Variants in SRL observed in about 807,000 individuals in gnomAD.
The protein encoded by SRL is sarcalumenin.
SRL carries 23 observed loss-of-function variants against 39.5 expected under a neutral mutation model. That is an observed-to-expected ratio of 0.58 (90% confidence interval 0.42 to 0.82). The LOEUF is 0.82. SRL is among the 40% of genes least tolerant of loss of function. The probability of loss-of-function intolerance (pLI) is 0.00; values close to 1 mark genes in which losing one functional copy is unlikely to be tolerated. For missense variants in SRL, 592 were observed against 607.8 expected, an observed-to-expected ratio of 0.97 and a Z score of 0.27; for synonymous variants, 272 against 237.4, an observed-to-expected ratio of 1.15 and a Z score of -1.34.
At chr16:4,210,486 C>CTTTTTTTTTTTTTTTTTTTTTTT (rs555999418) in intron 1 of SRL, among the ~76,000 whole-genome samples, 1 of 104,014 alleles carries the variant, frequency 9.6e-6, no homozygotes, top group South Asian at 3.4e-4. Flanking sequence ...TTACTCATAT[C>CTTTTTTTTTTTTTTTTTTTTTTT]TTTTTTTTTT....
intron 1 of SRL, 143 bp downstream of exon 1, chr16:4,241,864 A>G: frequency 2.4e-6 from 2 of 832,096 alleles, no homozygotes; most frequent in Non-Finnish European, 3.7e-6. Flanking sequence ...AGGCCCGGGG[A>G]AAAGAGAAGG....
intron 3 of SRL, 50 bp from the exon 4 acceptor site, chr16:4,197,965 C>A (rs752447950): frequency 2.4e-6 from 3 of 1,259,818 alleles, no homozygotes; most frequent in East Asian, 4.6e-5. Flanking sequence ...AAAGTTCACA[C>A]AAGGGGTATG....
intron 1 of SRL, chr16:4,207,013 G>A (rs1567179154): frequency 4.4e-6 from 2 of 453,130 alleles, no homozygotes; most frequent in Admixed American, 2.4e-5. Context: ...TCGGCTTCCT[G>A]GGGATCCCCG....
At chr16:4,213,404 CTT>C (rs1176583909) in intron 1 of SRL, among the ~76,000 whole-genome samples, 19 of 69,574 alleles carry the variant, frequency 2.7e-4, no homozygotes, top group African/African-American at 9.0e-4. Context: ...TTTTCTTTTT[CTT>C]TTTTTTTTTT....
chr16:4,202,168 A>G (rs1039696670), intron 3 of SRL, among the ~76,000 whole-genome samples: 5 of 152,218 alleles, frequency 3.3e-5, no homozygotes, highest in Non-Finnish European at 7.3e-5. Flanking sequence ...GTTTCCACAC[A>G]CACAGCTCAC....
At chr16:4,229,583 G>A (rs558860084) in intron 1 of SRL, among the ~76,000 whole-genome samples, 1 of 152,158 alleles carries the variant, frequency 6.6e-6, no homozygotes, top group South Asian at 2.1e-4. Flanking sequence ...AAGCATTGGA[G>A]ACACATGGAC....
intron 1 of SRL, among the ~76,000 whole-genome samples, chr16:4,233,210 C>G (rs2052677719): frequency 6.6e-6 from 1 of 152,222 alleles, no homozygotes; most frequent in South Asian, 2.1e-4. Context: ...CTCCCCCGAA[C>G]ACGAGCCCCA....
chr16:4,217,811 C>G (rs1204094091), intron 1 of SRL, among the ~76,000 whole-genome samples: 1 of 152,214 alleles, frequency 6.6e-6, no homozygotes, highest in African/African-American at 2.4e-5. Flanking sequence ...GCTGAGTGGG[C>G]CACAGCAGAG....
intron 1 of SRL, chr16:4,208,246 T>C (rs921743056): frequency 3.4e-5 from 12 of 355,326 alleles, no homozygotes; most frequent in African/African-American, 2.4e-4. Flanking sequence ...ACCTGGGTCT[T>C]CAGGACTACC....
At position 4,196,667 on chromosome 16, in the gene SRL, G is replaced by A. The variant is rs529243125; in HGVS notation, c.377-881C>T. On this transcript the variant is annotated intron_variant, in intron 4 of 5. Transcript: ENST00000399609. The stretch of plus-strand genomic sequence containing the variant: ...AGCTAATTTTTGTATTTTTAGTAGA[G>A]ACAAGGTTTCACCATCTTGGCCAGG... 2.3e-4 allele frequency among the ~76,000 whole-genome samples: 35 copies of A among 152,060 alleles called. No individual in the cohort carries two copies. The South Asian group carries it at 7.1e-3, about 31-fold the overall frequency.
At chr16:4,236,363 A>T (rs372792598) in intron 1 of SRL, among the ~76,000 whole-genome samples, 7 of 151,986 alleles carry the variant, frequency 4.6e-5, no homozygotes, top group African/African-American at 1.7e-4. Flanking sequence ...CTTGCAGGTC[A>T]CTGTCTCTTC....
chr16:4,230,710 C>CAAATGTAATT (rs2052651805), intron 1 of SRL, among the ~76,000 whole-genome samples: 1 of 152,012 alleles, frequency 6.6e-6, no homozygotes, highest in Non-Finnish European at 1.5e-5. Context: ...TCTATGGAAA[C>CAAATGTAATT]AGGGTCTTTG....
chr16:4,198,470 A>G (rs934441588), intron 3 of SRL, among the ~76,000 whole-genome samples: 7 of 152,096 alleles, frequency 4.6e-5, no homozygotes, highest in African/African-American at 1.7e-4. Flanking sequence ...TCTTTTGTTT[A>G]GAATCAGGGT....
chr16:4,224,667 C>T (rs555414746), intron 1 of SRL, among the ~76,000 whole-genome samples: 29 of 151,582 alleles, frequency 1.9e-4, no homozygotes, highest in African/African-American at 3.9e-4. Flanking sequence ...GCGGAGATTG[C>T]GCCACTGCAC....
intron 4 of SRL, among the ~76,000 whole-genome samples, chr16:4,197,438 T>TTTTTTTTGTGTGTG (rs2052164426): frequency 7.3e-6 from 1 of 137,516 alleles, no homozygotes; most frequent in African/African-American, 2.7e-5. Context: ...TTTTTTTTTT[T>TTTTTTTTGTGTGTG]TGAGACGGAG....
chr16:4,192,374 A>C lies in SRL; in HGVS notation c.1201T>G (p.Tyr401Asp), dbSNP rs773260312. The C allele has an allele frequency of 6.2e-7, 1 of 1,614,194 alleles. No individual in the cohort carries two copies. The highest frequency in any genetic ancestry group is 8.5e-7 in the Non-Finnish European group (1 of 1,180,038). ...GGATTGATGCCGAAGAAGTCCTTAT[A>C]GGCCTCGCGGTTGGGAAGGTCAAAT... ...SKFDLPNREA[Y>D]KDFFGINPIS... The change falls in exon 6 of 6, where the codon TAT becomes GAT. Residue 401 changes from tyrosine to aspartate, a missense_variant. Transcript: ENST00000399609. The surrounding 1 kb of genome is among the most constrained non-coding windows in gnomAD (Gnocchi z 4.0).
chr16:4,192,230 C>G lies in SRL; in HGVS notation c.1345G>C (p.Gly449Arg), dbSNP rs765108661. ...LPGLLGSLGL[G>R]KNPGALNCDK... ...CAGTTGAGAGCACCTGGATTCTTCCCGAGCCCGAGGCTACCCAGGAGGCCC... is the reference window on the plus strand; with the variant it reads ...CAGTTGAGAGCACCTGGATTCTTCCGGAGCCCGAGGCTACCCAGGAGGCCC... The change falls in exon 6 of 6, where the codon GGG becomes CGG. Residue 449 changes from glycine (G) to arginine (R), a missense_variant. Coordinates refer to ENST00000399609, the MANE Select transcript of SRL (RefSeq NM_001098814.2). The surrounding 1 kb of genome is among the most constrained non-coding windows in gnomAD (Gnocchi z 4.0). The G allele has an allele frequency of 1.9e-6, 3 of 1,609,032 alleles. No individual in the cohort carries two copies. Among genetic ancestry groups the G allele is most frequent in the East Asian group, 4.5e-5 (2 of 44,860 alleles).
At chr16:4,221,724 T>C (rs746499167) in intron 1 of SRL, among the ~76,000 whole-genome samples, 2 of 152,210 alleles carry the variant, frequency 1.3e-5, no homozygotes, top group South Asian at 4.1e-4. Context: ...ATGTGTTCAC[T>C]CACAGTCCTA....
At chr16:4,207,468 C>G in intron 1 of SRL, 1 of 456,846 alleles carries the variant, frequency 2.2e-6, no homozygotes. Context: ...AGGCTCCTCG[C>G]CAGGCCCAGG....
Sources: gnomAD v4.1 joint callset for allele counts (sites outside exome capture counted in the v4.1 genomes callset) on GRCh38, gnomAD v4.1.1 for gene constraint, Gnocchi (gnomAD v3.1) non-coding constraint, MANE v1.5 for transcripts, NCBI Gene and HGNC (gene_info 2026-07-23, HGNC 2026-07-21) for gene names.